The following MICU2 variants were observed in gnomAD, a reference collection of about 807,000 sequenced individuals.
MICU2 encodes mitochondrial calcium uptake 2, also known as calcium uptake protein 2, mitochondrial.
In MICU2, 64 loss-of-function variants were observed where a neutral mutation model predicts 60.4. The ratio of observed to expected loss-of-function variants is 1.06; its 90% confidence interval spans 0.87 to 1.31. The LOEUF (loss-of-function observed/expected upper bound fraction) is 1.31. Ranked by LOEUF, MICU2 falls within the 50% of genes most tolerant of loss-of-function variation. The probability of loss-of-function intolerance (pLI) is 0.00; values close to 1 mark genes in which losing one functional copy is unlikely to be tolerated. For synonymous variants in MICU2, 201 were observed against 175.0 expected, an observed-to-expected ratio of 1.15 and a Z score of -1.17; for missense variants, 569 against 531.0, an observed-to-expected ratio of 1.07 and a Z score of -0.70.
chr13:21,530,813 A>T, intron 4 of MICU2: 1 of 723,154 alleles, frequency 1.4e-6, no homozygotes, highest in South Asian at 1.5e-5. Flanking sequence ...GGCCGAGGCC[A>T]GGCAAGCCGT....
intron 4 of MICU2, among the ~76,000 whole-genome samples, chr13:21,528,661 A>G (rs180761761): frequency 1.1e-4 from 16 of 152,370 alleles, no homozygotes; most frequent in Middle Eastern, 3.4e-3. Flanking sequence ...CATTGCGCTT[A>G]GACCTCACAA....
intron 1 of MICU2, among the ~76,000 whole-genome samples, chr13:21,591,928 C>T (rs1261790584): frequency 6.6e-6 from 1 of 151,988 alleles, no homozygotes; most frequent in African/African-American, 2.4e-5. Context: ...CTCAAATCAA[C>T]ACCCTAACAT....
chr13:21,508,845 A>G (rs1886358737), intron 8 of MICU2, among the ~76,000 whole-genome samples: 1 of 152,132 alleles, frequency 6.6e-6, no homozygotes, highest in South Asian at 2.1e-4. Flanking sequence ...TTCCCTGATC[A>G]CCTAGTCCCA....
chr13:21,565,534 T>C (rs1887958896), intron 2 of MICU2, among the ~76,000 whole-genome samples: 1 of 152,264 alleles, frequency 6.6e-6, no homozygotes, highest in Non-Finnish European at 1.5e-5. Flanking sequence ...GGCACGTGCC[T>C]GTAATCCCAG....
intron 2 of MICU2, among the ~76,000 whole-genome samples, chr13:21,544,407 A>C (rs1006654894): frequency 1.1e-4 from 16 of 151,912 alleles, no homozygotes; most frequent in African/African-American, 3.9e-4. Context: ...CAACCTACAG[A>C]ATGGGAGAAA....
intron 8 of MICU2, among the ~76,000 whole-genome samples, chr13:21,507,731 G>A (rs1264469139): frequency 4.6e-5 from 7 of 151,376 alleles, no homozygotes; most frequent in Non-Finnish European, 4.4e-5. Flanking sequence ...AGCCTCCCAA[G>A]TAGCTGGGAT....
Position 21,539,669 on chromosome 13 carries a change from CT to C in MICU2, c.377del (p.Lys126SerfsTer2), listed in dbSNP as rs1887234022. 1.9e-6 allele frequency: 3 copies of C among 1,613,930 alleles called. No homozygotes were observed. Among genetic ancestry groups the C allele is most frequent in the South Asian group, 2.2e-5 (2 of 91,080 alleles). ...ACATGATGCTTACCTTTTTTGTCAG[CT>C]TCTTGACTGAAGTTTTACCTACAAC... ...EQMERKTSVK[K>X]LTKKDIEDTL... On this transcript the variant is annotated frameshift_variant, in exon 3 of 12. Transcript: ENST00000382374. LOFTEE classifies it high-confidence loss of function.
At chr13:21,549,113 T>C (rs1009437559) in intron 2 of MICU2, among the ~76,000 whole-genome samples, 3 of 151,628 alleles carry the variant, frequency 2.0e-5, no homozygotes, top group South Asian at 2.1e-4. Flanking sequence ...GCATTTTTAG[T>C]AGAGACGGGG....
Position 21,502,948 on chromosome 13 carries a change from C to G in MICU2, c.911G>C (p.Arg304Thr), listed in dbSNP as rs752134074. 1.2e-6 allele frequency: 2 copies of G among 1,611,210 alleles called. No homozygotes were observed. Among genetic ancestry groups the G allele is most frequent in the Admixed American group, 3.4e-5 (2 of 59,492 alleles). The part of the protein sequence containing the change: ...ENKDIYWKNV[R>T]EKLSAGESIS... The stretch of plus-strand genomic sequence containing the variant: ...AACCTCTCCTGCTGACAACTTCTCT[C>G]TCACATTTTTCCAATAAATATCTTT... Residue 304 changes from arginine to threonine, a missense_variant, in exon 9 of 12, where the codon AGA (arginine) becomes ACA (threonine). Transcript: ENST00000382374.
At chr13:21,501,306 A>T (rs1452930947) in intron 9 of MICU2, among the ~76,000 whole-genome samples, 1 of 151,746 alleles carries the variant, frequency 6.6e-6, no homozygotes, top group South Asian at 2.1e-4. Context: ...TCTGTCACCC[A>T]GGCTGGAGTG....
intron 2 of MICU2, among the ~76,000 whole-genome samples, chr13:21,558,662 T>C (rs1887766252): frequency 6.6e-6 from 1 of 152,136 alleles, no homozygotes; most frequent in African/African-American, 2.4e-5. Context: ...GCTGGGGTTC[T>C]GGGGTTGGGA....
chr13:21,559,804 G>A (rs995915894), intron 2 of MICU2, among the ~76,000 whole-genome samples: 2 of 151,976 alleles, frequency 1.3e-5, no homozygotes, highest in Non-Finnish European at 2.9e-5. Flanking sequence ...GGATTACAGG[G>A]GTGAGCCACC....
At chr13:21,499,767 A>G (rs1886097818) in intron 9 of MICU2, among the ~76,000 whole-genome samples, 2 of 151,846 alleles carry the variant, frequency 1.3e-5, no homozygotes, top group South Asian at 2.1e-4. Context: ...GTTCCAGATT[A>G]TATCTTCGAG....
At chr13:21,578,511 C>G (rs1888276356) in intron 1 of MICU2, among the ~76,000 whole-genome samples, 1 of 152,056 alleles carries the variant, frequency 6.6e-6, no homozygotes. Flanking sequence ...ATCACTTGAG[C>G]CTGCGAGGTT....
intron 9 of MICU2, among the ~76,000 whole-genome samples, chr13:21,498,160 G>C (rs904117950): frequency 1.3e-5 from 2 of 152,034 alleles, no homozygotes; most frequent in African/African-American, 4.8e-5. Flanking sequence ...CTTACTCAAG[G>C]TTCACTGGTT....
chr13:21,554,131 A>C (rs1191648151), intron 2 of MICU2, among the ~76,000 whole-genome samples: 1 of 152,216 alleles, frequency 6.6e-6, no homozygotes, highest in South Asian at 2.1e-4. Flanking sequence ...AACGAGACAG[A>C]AAGTTAATAA....
At chr13:21,542,132 TGA>T (rs1328424502) in intron 2 of MICU2, among the ~76,000 whole-genome samples, 2 of 152,176 alleles carry the variant, frequency 1.3e-5, no homozygotes, top group African/African-American at 4.8e-5. Context: ...CTGAGTATTA[TGA>T]GAGGTTGTGG....
At chr13:21,511,522 G>A (rs1003358439) in intron 7 of MICU2, among the ~76,000 whole-genome samples, 5 of 152,066 alleles carry the variant, frequency 3.3e-5, no homozygotes, top group African/African-American at 1.2e-4. Context: ...CACACACAAT[G>A]GTAAGAAACA....
chr13:21,527,899 A>G (rs998558841), intron 4 of MICU2, among the ~76,000 whole-genome samples: 24 of 152,206 alleles, frequency 1.6e-4, no homozygotes, highest in African/African-American at 5.8e-4. Context: ...AGATGAATAA[A>G]TTCTGTCAGT....
Sources: allele counts gnomAD v4.1 joint callset (sites outside exome capture counted in the v4.1 genomes callset), GRCh38; gene constraint gnomAD v4.1.1; transcripts MANE v1.5; gene names NCBI Gene and HGNC (gene_info 2026-07-23, HGNC 2026-07-21).